Variants in SCAF11 observed in about 807,000 individuals in gnomAD.
SCAF11 encodes SR-related CTD associated factor 11, also known as protein SCAF11.
A neutral mutation model predicts 140.5 loss-of-function variants in SCAF11; 47 were observed. The observed-to-expected ratio is 0.33, with a 90% CI of 0.26 to 0.43. The LOEUF (loss-of-function observed/expected upper bound fraction) is 0.43. Among genes scored for constraint, SCAF11 ranks in the 20% least tolerant of loss-of-function variants. The pLI, the probability that SCAF11 is intolerant of heterozygous loss-of-function variation, is 1.00. For missense variants in SCAF11, 1,645 were observed against 1,705.1 expected, an observed-to-expected ratio of 0.96 and a Z score of 0.62; for synonymous variants, 557 against 579.4, an observed-to-expected ratio of 0.96 and a Z score of 0.55.
At chr12:45,992,016 G>T (rs1458235947), upstream of SCAF11, 3 of 1,288,728 alleles carry the variant, frequency 2.3e-6, no homozygotes, top group African/African-American at 3.0e-5. Flanking sequence ...ACTTTGCCGC[G>T]GCCCCGCCGA....
intron 2 of SCAF11, among the ~76,000 whole-genome samples, chr12:45,962,827 A>T (rs1224367190): frequency 6.6e-6 from 1 of 152,236 alleles, no homozygotes; most frequent in African/African-American, 2.4e-5. Flanking sequence ...AGAAACAAAT[A>T]CAAATCCTCT....
At position 45,926,707 on chromosome 12, in the gene SCAF11, T is replaced by C. The variant is rs765433749; in HGVS notation, c.2994A>G (p.Lys998=). The change falls in exon 11 of 15, where the codon AAA becomes AAG. Residue 998 remains lysine, a synonymous_variant. Coordinates refer to ENST00000369367, the MANE Select transcript of SCAF11 (RefSeq NM_004719.3). ...DPEKQNENTR[K]EKNDIHLDAD... is the part of the protein sequence containing the mutation. Reference sequence around the variant, plus strand: ...CATCTAGATGGATGTCATTTTTTTCTTTTCTTGTATTTTCATTCTGTTTCT... The same window carrying C: ...CATCTAGATGGATGTCATTTTTTTCCTTTCTTGTATTTTCATTCTGTTTCT... 6.2e-7 allele frequency: 1 copy of C among 1,613,206 alleles called. No individual in the cohort carries two copies.
intron 3 of SCAF11, 92 bp from the exon 4 acceptor site, chr12:45,951,819 A>C: frequency 3.6e-6 from 3 of 838,066 alleles, no homozygotes; most frequent in South Asian, 4.1e-5. Context: ...AATTATTTTT[A>C]TCTCTATCTT....
At chr12:45,929,049 A>G in intron 10 of SCAF11, 190 bp from the exon 11 acceptor site, 1 of 364,924 alleles carries the variant, frequency 2.7e-6, no homozygotes, top group Non-Finnish European at 4.8e-6. Flanking sequence ...TCTTAATGAC[A>G]CTGAAATAAG....
intron 3 of SCAF11, among the ~76,000 whole-genome samples, chr12:45,952,969 T>C (rs1324348371): frequency 1.3e-5 from 2 of 152,232 alleles, no homozygotes; most frequent in Non-Finnish European, 2.9e-5. Flanking sequence ...GTATGGTCCT[T>C]GATCATTTAA....
At position 45,922,034 on chromosome 12, in the gene SCAF11, C is replaced by G. The variant is rs747729493; in HGVS notation, c.*14G>C. ...GCAGATATCCTGATAATGTCCTTGA[C>G]AGCGTTCCCCATTTCAGCCTATGTT... On this transcript the variant is annotated 3_prime_UTR_variant, in exon 15 of 15. Coordinates refer to ENST00000369367, the MANE Select transcript of SCAF11 (RefSeq NM_004719.3). The G allele has an allele frequency of 1.9e-6, 3 of 1,605,222 alleles. No individual in the cohort carries two copies.
rs1256254555 is a variant in SCAF11 at position 45,920,286 on chromosome 12, C to A, written c.*1762G>T. The A allele has an allele frequency of 6.6e-6, 1 of 152,120 alleles. No homozygotes were observed. The highest frequency in any genetic ancestry group is 1.5e-5 in the Non-Finnish European group (1 of 68,018). The allele number at this position is 152,120 out of a possible 1,614,324, so 9.4% of individuals were successfully genotyped here. On this transcript the variant is annotated 3_prime_UTR_variant, in exon 15 of 15. Coordinates refer to ENST00000369367, the MANE Select transcript of SCAF11 (RefSeq NM_004719.3). ...ATATTTTGCCTATCAAAGCTAGCACCAGGAAAAGTATTATGCACATAAAAT... is the reference window on the plus strand; with the variant it reads ...ATATTTTGCCTATCAAAGCTAGCACAAGGAAAAGTATTATGCACATAAAAT...
intron 1 of SCAF11, among the ~76,000 whole-genome samples, chr12:45,966,652 A>T (rs1945957076): frequency 6.6e-6 from 1 of 152,124 alleles, no homozygotes; most frequent in South Asian, 2.1e-4. Context: ...TTATGTGAAT[A>T]TCATCCAGTG....
chr12:45,958,678 T>C (rs1284511920), intron 3 of SCAF11, among the ~76,000 whole-genome samples: 2 of 152,190 alleles, frequency 1.3e-5, no homozygotes, highest in Non-Finnish European at 2.9e-5. Context: ...TTCAATTTGT[T>C]CTAGTGTCCC....
At position 45,927,332 on chromosome 12, in the gene SCAF11, C is replaced by T. The variant is rs768702099; in HGVS notation, c.2369G>A (p.Arg790Gln). Residue 790 changes from arginine (R) to glutamine (Q), a missense_variant, in exon 11 of 15, where the codon CGA becomes CAA. Arg to Gln is a conservative substitution (Grantham distance 43). This residue lies in a region of SCAF11 where 1,582 missense variants were observed against 1,609.2 expected (regional missense o/e 0.98). Coordinates refer to ENST00000369367, the MANE Select transcript of SCAF11 (RefSeq NM_004719.3). ...AGATGGAGAATGAAATCTAGATCTT[C>T]GAGTACGAGGCTTTTTGGTTTTATC... ...TIDKTKKPRT[R>Q]RSRFHSPSTT... 4 of 1,608,970 alleles carry T rather than the reference C, an allele frequency of 2.5e-6. No homozygotes were observed. The highest frequency in any genetic ancestry group is 1.7e-5 in the Admixed American group (1 of 59,746).
chr12:45,923,535 T>C (rs1011371277), intron 12 of SCAF11, among the ~76,000 whole-genome samples: 1 of 152,100 alleles, frequency 6.6e-6, no homozygotes, highest in African/African-American at 2.4e-5. Flanking sequence ...TAAAGTCAAA[T>C]GGCTTGTAGT....
intron 1 of SCAF11, chr12:45,974,157 T>A (rs1228675817): frequency 2.1e-6 from 1 of 470,596 alleles, no homozygotes; most frequent in African/African-American, 2.0e-5. Context: ...CAGCATTATG[T>A]CTAAAAACTG....
At chr12:45,930,440 G>GGTTTTTT (rs376228492) in intron 10 of SCAF11, among the ~76,000 whole-genome samples, 1 of 140,442 alleles carries the variant, frequency 7.1e-6, no homozygotes, top group Admixed American at 7.0e-5. Context: ...TTTGCGTTGT[G>GGTTTTTT]TTTTGTTTTT....
chr12:45,922,246 A>T, intron 14 of SCAF11, 52 bp from the exon 15 acceptor site: 1 of 1,544,362 alleles, frequency 6.5e-7, no homozygotes, highest in Non-Finnish European at 8.7e-7. Flanking sequence ...AAGGGATTAA[A>T]GCCAAAATAG....
At chr12:45,959,753 T>A (rs1565681112) in intron 3 of SCAF11, among the ~76,000 whole-genome samples, 1 of 152,228 alleles carries the variant, frequency 6.6e-6, no homozygotes, top group Non-Finnish European at 1.5e-5. Flanking sequence ...TTATAATTTA[T>A]AATAAGCAAT....
At chr12:45,982,912 A>G (rs1167069882) in intron 1 of SCAF11, among the ~76,000 whole-genome samples, 1 of 152,222 alleles carries the variant, frequency 6.6e-6, no homozygotes, top group Non-Finnish European at 1.5e-5. Context: ...TTCCCGGTAC[A>G]AGGAGTAGAC....
chr12:45,938,562 T>G (rs889239689), intron 6 of SCAF11, among the ~76,000 whole-genome samples: 4 of 152,038 alleles, frequency 2.6e-5, no homozygotes, highest in African/African-American at 9.7e-5. Flanking sequence ...TAGTAGAGAT[T>G]TGGGATGAGA....
Position 45,922,561 on chromosome 12 carries a change from CT to C in SCAF11, c.4146del (p.Ala1383GlnfsTer5). 1 of 1,592,376 alleles carries C rather than the reference CT, an allele frequency of 6.3e-7. No individual in the cohort carries two copies. The highest frequency in any genetic ancestry group is 1.9e-5 in the Admixed American group (1 of 52,266). ...ATGGCCAATTTTACCTCTTGTGCTG[CT>C]TTTTCTTGAATTTGCAATTTCTGAT... Reference protein sequence around the residue: ...KTDKKLQIQEKAAQEVKLAIK... With the variant: ...KTDKKLQIQEXAAQEVKLAIK... On this transcript the variant is annotated frameshift_variant, in exon 14 of 15. Transcript: ENST00000369367. LOFTEE classifies it high-confidence loss of function.
chr12:45,922,949 G>A lies in SCAF11; in HGVS notation c.4112C>T (p.Ser1371Leu), dbSNP rs756554611. Residue 1371 changes from serine to leucine, a missense_variant, in exon 13 of 15, where the codon TCG (serine) becomes TTG (leucine). Ser to Leu is a moderately radical substitution (Grantham distance 145). This residue lies in a region of SCAF11 where 1,582 missense variants were observed against 1,609.2 expected (regional missense o/e 0.98). Transcript: ENST00000369367. ...CCTTGAACTTGCCTTGTCTGTCTTC[G>A]AGCTATCTGCGCTGGCTTCCACTGC... ...SVAVEASADS[S>L]KTDKKLQIQE... 16 of 1,613,848 alleles carry A rather than the reference G, an allele frequency of 9.9e-6. 1 individual carries two copies. The highest frequency in any genetic ancestry group is 4.0e-5 in the African/African-American group (3 of 74,864).
Sources: gnomAD v4.1 joint callset for allele counts (sites outside exome capture counted in the v4.1 genomes callset) on GRCh38, gnomAD v4.1.1 for gene constraint, gnomAD v4.1.1 regional missense constraint, MANE v1.5 for transcripts, NCBI Gene and HGNC (gene_info 2026-07-23, HGNC 2026-07-21) for gene names.